The following CDH2 variants were observed in gnomAD, a reference collection of about 807,000 sequenced individuals.
The protein encoded by CDH2 is cadherin-2.
CDH2 carries 17 observed loss-of-function variants against 92.0 expected under a neutral mutation model. That is an observed-to-expected ratio of 0.18 (90% confidence interval 0.13 to 0.28). The LOEUF is 0.28. CDH2 is among the 10% of genes least tolerant of loss of function. CDH2 has a pLI of 1.00. For synonymous variants in CDH2, 419 were observed against 415.9 expected (o/e 1.01, Z -0.09); for missense variants, 862 against 1,133.1 (o/e 0.76, Z 3.44).
rs72631812 is a variant in CDH2 at position 28,037,496 on chromosome 18, C to T, written c.173-23587G>A. Among the ~76,000 whole-genome samples the T allele has an allele frequency of 3.8e-4, 58 of 152,204 alleles. No individual in the cohort carries two copies. In the East Asian group the frequency reaches 8.9e-3, roughly 23 times the overall value. On this transcript the variant is annotated intron_variant, in intron 2 of 15. Coordinates refer to ENST00000269141, the MANE Select transcript of CDH2 (RefSeq NM_001792.5). ...AGCATAAGAATATTGTGGGAAGCAG[C>T]GAGAAAACTTACAGAAATACTTTGA...
At chr18:28,036,773 C>T (rs536710681) in intron 2 of CDH2, among the ~76,000 whole-genome samples, 104 of 152,246 alleles carry the variant, frequency 6.8e-4, no homozygotes, top group African/African-American at 2.4e-3. Context: ...TGCCCCCAAC[C>T]TTGGGCACAA....
At chr18:28,097,820 G>A (rs1322978805) in intron 2 of CDH2, among the ~76,000 whole-genome samples, 6 of 152,024 alleles carry the variant, frequency 3.9e-5, no homozygotes, top group African/African-American at 1.2e-4. Flanking sequence ...ACTATAAATG[G>A]CCATTGAAAT....
chr18:28,168,302 G>T (rs941612297), intron 1 of CDH2, among the ~76,000 whole-genome samples: 1 of 152,014 alleles, frequency 6.6e-6, no homozygotes, highest in African/African-American at 2.4e-5. Context: ...AATATTCACC[G>T]GAACTTGTCT....
At position 27,987,509 on chromosome 18, in the gene CDH2, T is replaced by C. The variant is rs954463688; in HGVS notation, c.1741+1015A>G. Reference sequence around the variant, plus strand: ...CTTATTTTAGTAATGCAAAATATTTTACAATTTGAAAATTGCAAACACCAA... The same window carrying C: ...CTTATTTTAGTAATGCAAAATATTTCACAATTTGAAAATTGCAAACACCAA... On this transcript the variant is annotated intron_variant, in intron 11 of 15. Coordinates refer to ENST00000269141, the MANE Select transcript of CDH2 (RefSeq NM_001792.5). Among the ~76,000 whole-genome samples, 3 of 152,350 alleles carry C rather than the reference T, an allele frequency of 2.0e-5. No individual in the cohort carries two copies. The South Asian group carries it at 6.2e-4, about 32-fold the overall frequency.
intron 2 of CDH2, among the ~76,000 whole-genome samples, chr18:28,053,040 G>A (rs901976301): frequency 2.6e-5 from 4 of 152,092 alleles, no homozygotes; most frequent in African/African-American, 7.2e-5. Context: ...CACAGAGGGA[G>A]GACCATGTGA....
At chr18:28,045,277 T>C (rs2014051297) in intron 2 of CDH2, 1 of 351,176 alleles carries the variant, frequency 2.8e-6, no homozygotes, top group African/African-American at 2.1e-5. Flanking sequence ...GCTTCCTAAC[T>C]GAGCTAGTTT....
chr18:27,990,790 A>G (rs2012390569), intron 9 of CDH2, among the ~76,000 whole-genome samples: 1 of 152,238 alleles, frequency 6.6e-6, no homozygotes, highest in Non-Finnish European at 1.5e-5. Flanking sequence ...ATTGAAGAAA[A>G]CAAACCAAAA....
chr18:28,169,208 C>T (rs2016429383), intron 1 of CDH2, among the ~76,000 whole-genome samples: 1 of 152,136 alleles, frequency 6.6e-6, no homozygotes, highest in African/African-American at 2.4e-5. Context: ...GCTGTATCTG[C>T]TCTACTGAGT....
intron 15 of CDH2, among the ~76,000 whole-genome samples, chr18:27,953,991 A>G (rs746167530): frequency 6.6e-6 from 1 of 152,200 alleles, no homozygotes; most frequent in Non-Finnish European, 1.5e-5. Context: ...AATCAGAGAA[A>G]AAAGTACACA....
chr18:28,059,935 C>T (rs635726), intron 2 of CDH2, among the ~76,000 whole-genome samples: 10 of 152,018 alleles, frequency 6.6e-5, no homozygotes, highest in African/African-American at 2.2e-4. Context: ...TTTTCCCCTG[C>T]GATCTAGATT....
At position 27,974,023 on chromosome 18, in the gene CDH2, G is replaced by T. The variant is rs1189726050; in HGVS notation, c.2349+8921C>A. On this transcript the variant is annotated intron_variant, in intron 14 of 15. Coordinates refer to ENST00000269141, the MANE Select transcript of CDH2 (RefSeq NM_001792.5). ...TAAATACATTTTCAACTAGACTTAG[G>T]TCACTGAAATTTTAGAGTCTGTTAC... Among the ~76,000 whole-genome samples the T allele has an allele frequency of 2.0e-5, 3 of 152,278 alleles. No individual in the cohort carries two copies. In the East Asian group the frequency reaches 5.8e-4, roughly 29 times the overall value.
At chr18:28,174,129 A>AGT (rs1273403016) in intron 1 of CDH2, among the ~76,000 whole-genome samples, 1 of 152,184 alleles carries the variant, frequency 6.6e-6, no homozygotes, top group Non-Finnish European at 1.5e-5. Flanking sequence ...CAAGGCACAG[A>AGT]GTCCTTTGAA....
At chr18:27,958,235 T>G (rs1934260802) in intron 15 of CDH2, among the ~76,000 whole-genome samples, 1 of 152,184 alleles carries the variant, frequency 6.6e-6, no homozygotes, top group South Asian at 2.1e-4. Flanking sequence ...AAGACCATAA[T>G]GAGATATTTT....
chr18:28,072,839 C>A (rs2014645404), intron 2 of CDH2, among the ~76,000 whole-genome samples: 1 of 152,136 alleles, frequency 6.6e-6, no homozygotes, highest in Non-Finnish European at 1.5e-5. Flanking sequence ...AACATATGTT[C>A]AAAATAAAAA....
chr18:28,113,610 C>T (rs2015448417), intron 2 of CDH2, among the ~76,000 whole-genome samples: 1 of 152,142 alleles, frequency 6.6e-6, no homozygotes, highest in East Asian at 1.9e-4. Flanking sequence ...ATTTAGATAG[C>T]TTCATAGCTG....
At chr18:27,979,503 C>A (rs188035206) in intron 14 of CDH2, among the ~76,000 whole-genome samples, 199 of 152,262 alleles carry the variant, frequency 1.3e-3, no homozygotes, top group Non-Finnish European at 2.1e-3. Flanking sequence ...AGAAAATGCA[C>A]CAGAACATAT....
chr18:28,141,324 G>A (rs1482557593), intron 2 of CDH2, among the ~76,000 whole-genome samples: 1 of 151,838 alleles, frequency 6.6e-6, no homozygotes, highest in African/African-American at 2.4e-5. Context: ...GAAGTCAGTC[G>A]CAAAAGGTGT....
intron 2 of CDH2, chr18:28,097,252 A>G (rs1310011901): frequency 6.6e-6 from 1 of 152,170 alleles, no homozygotes; most frequent in East Asian, 1.9e-4. Flanking sequence ...CTGTGTTTCA[A>G]AGCTAGAAAA....
At chr18:28,035,446 A>G (rs1336492817) in intron 2 of CDH2, among the ~76,000 whole-genome samples, 1 of 152,016 alleles carries the variant, frequency 6.6e-6, no homozygotes, top group Non-Finnish European at 1.5e-5. Context: ...TGTTTGGCGA[A>G]TTTTTACAAA....
Sources: gnomAD v4.1 joint callset for allele counts (sites outside exome capture counted in the v4.1 genomes callset) on GRCh38, gnomAD v4.1.1 for gene constraint, MANE v1.5 for transcripts, NCBI Gene and HGNC (gene_info 2026-07-23, HGNC 2026-07-21) for gene names.